The following CD109 variants were observed in gnomAD, a reference collection of about 807,000 sequenced individuals.
CD109 encodes the protein CD109 antigen.
A neutral mutation model predicts 165.8 loss-of-function variants in CD109; 149 were observed. The observed-to-expected ratio is 0.90, with a 90% CI of 0.79 to 1.03. CD109 has a LOEUF of 1.03. Ranked by LOEUF, CD109 falls within the 50% of genes least tolerant of loss-of-function variation. The pLI, the probability that CD109 is intolerant of heterozygous loss-of-function variation, is 0.00. For synonymous variants in CD109, 585 were observed against 592.1 expected, an observed-to-expected ratio of 0.99 and a Z score of 0.18; for missense variants, 1,712 against 1,677.8, an observed-to-expected ratio of 1.02 and a Z score of -0.36.
rs1774932503 is a variant in CD109, at chr6:73,791,162, T to TATATATATACACACATACAC, written c.2702-1455_2702-1454insCACACATACACATATATATA. 9.4e-4 allele frequency among the ~76,000 whole-genome samples: 34 copies of TATATATATACACACATACAC among 36,310 alleles called. 2 individuals carry two copies. The highest frequency in any genetic ancestry group is 3.4e-3 in the African/African-American group (34 of 9,928). The allele number at this position is 36,310 out of a possible 152,430, so 23.8% of individuals were successfully genotyped here. A position where few individuals can be genotyped will look rare whatever the true frequency, so the allele number is the denominator to read the frequency against. ...ATATATATATATATATATATATATA[T>TATATATATACACACATACAC]ATATATATATATATACACACACACA... On this transcript the variant is annotated intron_variant, in intron 22 of 32. Coordinates refer to ENST00000287097, the MANE Select transcript of CD109 (RefSeq NM_133493.5).
chr6:73,771,078 G>C (rs753754797), intron 14 of CD109, among the ~76,000 whole-genome samples: 2 of 152,024 alleles, frequency 1.3e-5, no homozygotes, highest in East Asian at 1.9e-4. Flanking sequence ...TTCCTCTTTC[G>C]TGTTTCTCCT....
At chr6:73,701,382 A>C (rs1239600718) in intron 2 of CD109, among the ~76,000 whole-genome samples, 5 of 152,218 alleles carry the variant, frequency 3.3e-5, no homozygotes, top group Non-Finnish European at 1.5e-5. Flanking sequence ...TCAGCAGGTA[A>C]TAATTACCAG....
At chr6:73,783,352 G>C (rs756697953) in intron 18 of CD109, among the ~76,000 whole-genome samples, 13 of 152,210 alleles carry the variant, frequency 8.5e-5, no homozygotes, top group Non-Finnish European at 1.5e-4. Context: ...CAGGGATACA[G>C]AGAAAAACTT....
intron 3 of CD109, among the ~76,000 whole-genome samples, chr6:73,725,656 G>A (rs1037173652): frequency 4.0e-5 from 6 of 151,884 alleles, no homozygotes; most frequent in Admixed American, 2.0e-4. Context: ...TTACAGGCAT[G>A]CACCACCATG....
intron 23 of CD109, among the ~76,000 whole-genome samples, chr6:73,801,218 G>A (rs1775349559): frequency 6.6e-6 from 1 of 152,224 alleles, no homozygotes; most frequent in African/African-American, 2.4e-5. Flanking sequence ...TGTTAGCTGT[G>A]TGACCATGCA....
chr6:73,803,122 TC>T, intron 23 of CD109, 97 bp from the exon 24 acceptor site: 1 of 794,054 alleles, frequency 1.3e-6, no homozygotes, highest in South Asian at 1.5e-5. Flanking sequence ...TCTTTCCCCC[TC>T]TCTGCCCATA....
chr6:73,691,432 T>C (rs1770687756), upstream of CD109, among the ~76,000 whole-genome samples: 2 of 152,256 alleles, frequency 1.3e-5, no homozygotes, highest in African/African-American at 4.8e-5. Flanking sequence ...CTGTTACTAA[T>C]GTGCCAGTTC....
rs541825983 is a variant in CD109, at chr6:73,792,230, G to C, written c.2702-396G>C. 6.6e-5 allele frequency among the ~76,000 whole-genome samples: 10 copies of C among 152,198 alleles called. No individual in the cohort carries two copies. The East Asian group carries it at 1.9e-3, about 29-fold the overall frequency. On this transcript the variant is annotated intron_variant, in intron 22 of 32. Transcript: ENST00000287097. ...TTTCTCAAGTTCTTGTGGTGTATTAGTAAGAAATAAGAATAAAATTTTGTT... is the reference window on the plus strand; with the variant it reads ...TTTCTCAAGTTCTTGTGGTGTATTACTAAGAAATAAGAATAAAATTTTGTT...
At position 73,826,838 on chromosome 6, in the gene CD109, T is replaced by C. The variant is rs1291319339; in HGVS notation, c.*3205T>C. On this transcript the variant is annotated 3_prime_UTR_variant, in exon 33 of 33. Transcript: ENST00000287097. ...ATAACTCTCCCTGCTCCTATTCTTTTGAGCCTAGGTATAATTTTTTTTTTT... is the reference window on the plus strand; with the variant it reads ...ATAACTCTCCCTGCTCCTATTCTTTCGAGCCTAGGTATAATTTTTTTTTTT... 1 of 148,142 alleles carries C rather than the reference T, an allele frequency of 6.8e-6. No individual in the cohort carries two copies. The highest frequency in any genetic ancestry group is 2.0e-4 in the East Asian group (1 of 5,072). 9.2% of individuals were successfully genotyped at this position (148,142 alleles called of 1,614,324 possible).
chr6:73,716,014 G>A (rs1040140262), intron 2 of CD109, among the ~76,000 whole-genome samples: 1 of 152,134 alleles, frequency 6.6e-6, no homozygotes, highest in Non-Finnish European at 1.5e-5. Flanking sequence ...CCACAAATAA[G>A]TGAGAACATG....
At chr6:73,790,022 A>G (rs1774862483) in intron 22 of CD109, among the ~76,000 whole-genome samples, 2 of 151,488 alleles carry the variant, frequency 1.3e-5, no homozygotes, top group Admixed American at 6.6e-5. Context: ...GGTGTGAGCC[A>G]TGGCACTCAG....
intron 2 of CD109, 114 bp downstream of exon 2, chr6:73,697,686 A>G: frequency 1.3e-6 from 1 of 781,776 alleles, no homozygotes; most frequent in Non-Finnish European, 2.0e-6. Flanking sequence ...TATCTTACCT[A>G]ATATACTTTT....
Position 73,771,557 on chromosome 6 carries a change from C to G in CD109, c.1803C>G (p.Ala601=). The change falls in exon 15 of 33, where the codon GCC becomes GCG. Residue 601 remains alanine, a synonymous_variant. Coordinates refer to ENST00000287097, the MANE Select transcript of CD109 (RefSeq NM_133493.5). ...AVDKSVNLMN[A]SNDITMENVV... ...ACAAAAGTGTGAATCTGATGAATGC[C>G]TCTAATGATATTACAATGGAAAATG... The G allele has an allele frequency of 6.3e-7, 1 of 1,594,202 alleles. No homozygotes were observed. The highest frequency in any genetic ancestry group is 1.2e-5 in the South Asian group (1 of 86,016).
chr6:73,791,899 T>C (rs1416439575), intron 22 of CD109, among the ~76,000 whole-genome samples: 3 of 152,190 alleles, frequency 2.0e-5, no homozygotes. Flanking sequence ...GGACTTGGCT[T>C]GGTATAAGTT....
intron 23 of CD109, among the ~76,000 whole-genome samples, chr6:73,798,962 T>A (rs1775268544): frequency 6.6e-6 from 1 of 152,156 alleles, no homozygotes; most frequent in South Asian, 2.1e-4. Flanking sequence ...TATTTTCTTT[T>A]TTCTTCTTCC....
intron 4 of CD109, among the ~76,000 whole-genome samples, chr6:73,730,880 T>G (rs1384989844): frequency 6.6e-6 from 1 of 152,160 alleles, no homozygotes; most frequent in African/African-American, 2.4e-5. Context: ...AGAGATTAAG[T>G]CCCTGCTGAC....
intron 31 of CD109, among the ~76,000 whole-genome samples, chr6:73,819,617 A>C (rs1418730514): frequency 6.6e-6 from 1 of 152,216 alleles, no homozygotes. Context: ...TTGTTTTAGC[A>C]CTTCAAAACC....
intron 27 of CD109, 68 bp from the exon 28 acceptor site, chr6:73,810,924 T>C: frequency 6.9e-7 from 1 of 1,452,552 alleles, no homozygotes; most frequent in Non-Finnish European, 9.4e-7. Flanking sequence ...AACAAAATAC[T>C]ACTAAATTTA....
At position 73,762,799 on chromosome 6, in the gene CD109, C is replaced by T. The variant is rs778560293; in HGVS notation, c.914C>T (p.Ser305Phe). 3.7e-6 allele frequency: 6 copies of T among 1,609,966 alleles called. No homozygotes were observed. The highest frequency in any genetic ancestry group is 1.6e-4 in the Middle Eastern group (1 of 6,072). The part of the protein sequence containing the change: ...NDEEMKNVMD[S>F]SNGLSEYLDL... The stretch of plus-strand genomic sequence containing the variant: ...GAAGAGATGAAAAATGTAATGGATT[C>T]TTCAAATGGACTTTCTGAATACCTG... The change falls in exon 9 of 33, where the codon TCT becomes TTT. Residue 305 changes from serine to phenylalanine, a missense_variant. Coordinates refer to ENST00000287097, the MANE Select transcript of CD109 (RefSeq NM_133493.5).
Sources: gnomAD v4.1 joint callset for allele counts (sites outside exome capture counted in the v4.1 genomes callset) on GRCh38, gnomAD v4.1.1 for gene constraint, MANE v1.5 for transcripts, NCBI Gene and HGNC (gene_info 2026-07-23, HGNC 2026-07-21) for gene names.